The following IQCK variants were observed in gnomAD, a reference collection of about 807,000 sequenced individuals.
IQCK encodes the protein IQ motif containing K.
IQCK carries 29 observed loss-of-function variants against 28.1 expected under a neutral mutation model. That is an observed-to-expected ratio of 1.03 (90% confidence interval 0.77 to 1.41). The LOEUF (loss-of-function observed/expected upper bound fraction) is 1.41. Among genes scored for constraint, IQCK ranks in the 40% most tolerant of loss-of-function variants. The pLI is 0.00. For synonymous variants in IQCK, 113 were observed against 115.1 expected, an observed-to-expected ratio of 0.98 and a Z score of 0.12; for missense variants, 359 against 314.7, an observed-to-expected ratio of 1.14 and a Z score of -1.07.
chr16:19,724,973 G>A (rs1398689472), intron 1 of IQCK, among the ~76,000 whole-genome samples: 1 of 152,130 alleles, frequency 6.6e-6, no homozygotes, highest in East Asian at 1.9e-4. Flanking sequence ...GTTCACTTGT[G>A]GCACAGGGGC....
intron 9 of IQCK, among the ~76,000 whole-genome samples, chr16:19,846,942 C>T (rs1256896442): frequency 6.6e-6 from 1 of 151,996 alleles, no homozygotes; most frequent in Non-Finnish European, 1.5e-5. Context: ...GGGACCAATT[C>T]TTACTCCAAG....
chr16:19,852,434 CAG>C (rs904059882), intron 9 of IQCK, among the ~76,000 whole-genome samples: 3 of 149,704 alleles, frequency 2.0e-5, no homozygotes, highest in Admixed American at 6.7e-5. Flanking sequence ...AACAAACAAA[CAG>C]AACACTGTCA....
At chr16:19,836,640 A>G (rs2056301544) in intron 9 of IQCK, among the ~76,000 whole-genome samples, 1 of 152,096 alleles carries the variant, frequency 6.6e-6, no homozygotes, top group Admixed American at 6.6e-5. Context: ...CAGCCTCCCG[A>G]GTAGCTGGGA....
rs138257434 is a variant in IQCK at position 19,732,970 on chromosome 16, G to A, written c.247-728G>A. On this transcript the variant is annotated intron_variant, in intron 2 of 7. Transcript: ENST00000564186. ...GGCAGCAGGCCAAGTTAGCCCAGCC[G>A]GATTTCCACCCAGCCTTGCCATATA... Among the ~76,000 whole-genome samples the A allele has an allele frequency of 7.0e-3, 1,069 of 152,192 alleles. 10 individuals are homozygous for A. The highest frequency in any genetic ancestry group is 0.024 in the African/African-American group (995 of 41,524).
In IQCK at chr16:19,786,856, GGAAA is replaced by G. The variant is rs376798103; in HGVS notation, c.606-1969_606-1966del. 7.1e-4 allele frequency among the ~76,000 whole-genome samples: 50 copies of G among 70,748 alleles called. 1 individual carries two copies. Among genetic ancestry groups the G allele is most frequent in the South Asian group, 1.3e-3 (2 of 1,556 alleles). The allele number at this position is 70,748 out of a possible 152,430, so 46.4% of individuals were successfully genotyped here. A position where few individuals can be genotyped will look rare whatever the true frequency, so the allele number is the denominator to read the frequency against. ...AGGGGGGATGGAGGGAAGGAAGGAA[GGAAA>G]GAAAGAAAGAAAAGGGGAGGGGAGG... On this transcript the variant is annotated intron_variant, in intron 6 of 7. Transcript: ENST00000564186.
At chr16:19,735,310 C>A in intron 3 of IQCK, 43 bp from the exon 4 acceptor site, 1 of 1,348,094 alleles carries the variant, frequency 7.4e-7, no homozygotes, top group South Asian at 1.2e-5. Flanking sequence ...TTGGCTCGGG[C>A]CACTGGGGAT....
At chr16:19,764,000 T>C (rs1172200516) in intron 5 of IQCK, 35 bp from the exon 6 acceptor site, 2 of 1,608,310 alleles carry the variant, frequency 1.2e-6, no homozygotes, top group African/African-American at 1.3e-5. Flanking sequence ...TGCTTATTGT[T>C]TTCTTGTCAA....
At chr16:19,757,467 G>A (rs1018968636) in intron 4 of IQCK, among the ~76,000 whole-genome samples, 2 of 152,202 alleles carry the variant, frequency 1.3e-5, no homozygotes, top group Non-Finnish European at 2.9e-5. Context: ...GAGGCCAGCA[G>A]TTGGAGACCA....
intron 9 of IQCK, among the ~76,000 whole-genome samples, chr16:19,836,038 T>G (rs546754575): frequency 1.3e-5 from 2 of 152,374 alleles, no homozygotes; most frequent in African/African-American, 4.8e-5. Context: ...GTGGGACTTT[T>G]GATGGATGAT....
At chr16:19,806,107 T>C (rs1415871863) in intron 7 of IQCK, among the ~76,000 whole-genome samples, 1 of 152,162 alleles carries the variant, frequency 6.6e-6, no homozygotes, top group East Asian at 1.9e-4. Flanking sequence ...GAAGGTGTTA[T>C]TTGATCTGAG....
chr16:19,760,277 A>C (rs533859480), intron 4 of IQCK, among the ~76,000 whole-genome samples: 18 of 152,206 alleles, frequency 1.2e-4, no homozygotes, highest in Non-Finnish European at 2.2e-4. Context: ...AAACAACCTA[A>C]TGCAAACTGG....
At chr16:19,756,616 G>A (rs1425186027) in intron 4 of IQCK, among the ~76,000 whole-genome samples, 2 of 152,172 alleles carry the variant, frequency 1.3e-5, no homozygotes, top group African/African-American at 4.8e-5. Context: ...GCCGGGCGCA[G>A]TGGCTCACGC....
At chr16:19,792,696 C>G (rs193206957) in intron 7 of IQCK, among the ~76,000 whole-genome samples, 1 of 108,004 alleles carries the variant, frequency 9.3e-6, no homozygotes, top group Non-Finnish European at 1.6e-5. Flanking sequence ...CTCAGCCTAC[C>G]GAGTAGGTGG....
At chr16:19,846,648 G>A (rs917823795) in intron 9 of IQCK, among the ~76,000 whole-genome samples, 5 of 152,156 alleles carry the variant, frequency 3.3e-5, no homozygotes, top group African/African-American at 1.2e-4. Flanking sequence ...TGGCTTCCAA[G>A]TTGGCTTAAT....
At chr16:19,836,270 A>G (rs1314232140) in intron 9 of IQCK, among the ~76,000 whole-genome samples, 1 of 152,208 alleles carries the variant, frequency 6.6e-6, no homozygotes, top group Non-Finnish European at 1.5e-5. Context: ...TTTGATTAAG[A>G]GACATCTAGT....
chr16:19,842,258 T>C (rs1288845216), intron 9 of IQCK, among the ~76,000 whole-genome samples: 1 of 152,208 alleles, frequency 6.6e-6, no homozygotes, highest in Non-Finnish European at 1.5e-5. Context: ...AGAGAACATA[T>C]CAACATGCTT....
At chr16:19,812,387 C>T (rs1344372240) in intron 7 of IQCK, among the ~76,000 whole-genome samples, 5 of 152,160 alleles carry the variant, frequency 3.3e-5, no homozygotes, top group Non-Finnish European at 5.9e-5. Context: ...CACTCAAGAG[C>T]GGGTGTTTGT....
chr16:19,728,508 G>A (rs1444383432), intron 1 of IQCK, among the ~76,000 whole-genome samples: 1 of 152,072 alleles, frequency 6.6e-6, no homozygotes, highest in Non-Finnish European at 1.5e-5. Flanking sequence ...CCTTGGCCTC[G>A]TAAAGTGCTG....
intron 9 of IQCK, among the ~76,000 whole-genome samples, chr16:19,840,177 G>A (rs987800438): frequency 6.6e-6 from 1 of 152,120 alleles, no homozygotes; most frequent in East Asian, 1.9e-4. Context: ...GCAACATGGT[G>A]AAACCCTGTC....
Sources: allele counts gnomAD v4.1 joint callset (sites outside exome capture counted in the v4.1 genomes callset), GRCh38; gene constraint gnomAD v4.1.1; transcripts MANE v1.5; gene names NCBI Gene and HGNC (gene_info 2026-07-23, HGNC 2026-07-21).